Variants in RSPH1 observed in about 807,000 individuals in gnomAD.
RSPH1 encodes radial spoke head 1 homolog.
Under a neutral mutation model 44.2 loss-of-function variants are expected in RSPH1, and 32 were observed. That is an observed-to-expected ratio of 0.72 (90% CI 0.55 to 0.97). The LOEUF is 0.97. Among genes scored for constraint, RSPH1 ranks in the 50% least tolerant of loss-of-function variants. The probability of loss-of-function intolerance (pLI) is 0.00; values close to 1 mark genes in which losing one functional copy is unlikely to be tolerated. For synonymous variants in RSPH1, 134 were observed against 147.3 expected (o/e 0.91, Z 0.65); for missense variants, 391 against 398.7 (o/e 0.98, Z 0.16).
chr21:42,477,432 C>T lies in RSPH1; in HGVS notation c.586G>A (p.Glu196Lys). The change falls in exon 7 of 9, where the codon GAG (glutamate) becomes AAG (lysine). Residue 196 changes from glutamate to lysine, a missense_variant. Coordinates refer to ENST00000291536, the MANE Select transcript of RSPH1 (RefSeq NM_080860.4). ...GTTACTAATTCTTCCTCCTCTTCCT[C>T]TTCTCCTCTTTCCTATTTTAAGTGC... The part of the protein sequence containing the change: ...YRLTDMERGE[E>K]EEEEELVTVV... 2 of 1,614,022 alleles carry T rather than the reference C, an allele frequency of 1.2e-6. No homozygotes were observed. The highest frequency in any genetic ancestry group is 1.7e-6 in the Non-Finnish European group (2 of 1,179,870).
intron 3 of RSPH1, among the ~76,000 whole-genome samples, chr21:42,491,786 C>T (rs900397516): frequency 2.6e-5 from 4 of 152,144 alleles, no homozygotes; most frequent in African/African-American, 4.8e-5. Context: ...AACTATAGCT[C>T]GCACTTTGTA....
intron 6 of RSPH1, among the ~76,000 whole-genome samples, chr21:42,481,052 C>T (rs1465868146): frequency 2.0e-5 from 3 of 152,060 alleles, no homozygotes; most frequent in Non-Finnish European, 4.4e-5. Context: ...CTTCAAATCG[C>T]ATGTTGAAAT....
At position 42,482,621 on chromosome 21, in the gene RSPH1, A is replaced by G. The variant is rs761946448; in HGVS notation, c.573+16T>C. ...CCCTGTTAATGTAACAAAACCCTAC[A>G]TGCTCCGCAACTTACCATATCTGTT... On this transcript the variant is annotated intron_variant, in intron 6 of 8. Coordinates refer to ENST00000291536, the MANE Select transcript of RSPH1 (RefSeq NM_080860.4). 10 of 1,591,786 alleles carry G rather than the reference A, an allele frequency of 6.3e-6. No individual in the cohort carries two copies. In the South Asian group the frequency reaches 1.1e-4, roughly 18 times the overall value.
In RSPH1 at chr21:42,475,522, C is replaced by T. The variant is rs1289923107; in HGVS notation, c.877+376G>A. 6.1e-5 allele frequency among the ~76,000 whole-genome samples: 9 copies of T among 148,638 alleles called. No homozygotes were observed. In the Admixed American group the frequency reaches 6.1e-4, roughly 10 times the overall value. On this transcript the variant is annotated intron_variant, in intron 8 of 8. Coordinates refer to ENST00000291536, the MANE Select transcript of RSPH1 (RefSeq NM_080860.4). Reference sequence around the variant, plus strand: ...GGTGGAGGTTGCAGTGAGCCAAGATCGCACCACTGTACTCCAGCCTGGGTG... The same window carrying T: ...GGTGGAGGTTGCAGTGAGCCAAGATTGCACCACTGTACTCCAGCCTGGGTG...
At chr21:42,493,179 T>C (rs1236522023) in intron 1 of RSPH1, 100 bp from the exon 2 acceptor site, 2 of 962,162 alleles carry the variant, frequency 2.1e-6, no homozygotes, top group Non-Finnish European at 1.6e-6. Flanking sequence ...CATCCCACTA[T>C]GCTAAACCCC....
chr21:42,473,765 G>A lies in RSPH1; in HGVS notation c.878-895C>T, dbSNP rs188041583. 4.6e-5 allele frequency among the ~76,000 whole-genome samples: 7 copies of A among 152,232 alleles called. No homozygotes were observed. In the East Asian group the frequency reaches 1.4e-3, roughly 29 times the overall value. Reference sequence around the variant, plus strand: ...CACTTAGGGCCCTCCTGACACTGTGGCCTGGGTGACCCTTTGCTGGGGGCT... The same window carrying A: ...CACTTAGGGCCCTCCTGACACTGTGACCTGGGTGACCCTTTGCTGGGGGCT... On this transcript the variant is annotated intron_variant, in intron 8 of 8. Coordinates refer to ENST00000291536, the MANE Select transcript of RSPH1 (RefSeq NM_080860.4).
chr21:42,494,525 G>A (rs937761771), intron 1 of RSPH1, among the ~76,000 whole-genome samples: 2 of 152,090 alleles, frequency 1.3e-5, no homozygotes, highest in East Asian at 1.9e-4. Context: ...ACACTGAGCC[G>A]CTGGGGTGGC....
rs750896205 is a variant in RSPH1 at position 42,493,082 on chromosome 21, G to C, written c.55-3C>G. ...TCATTCCGACCCCCCTCATATTCCT[G>C]GGTAATGAAAATTGACACAATTACA... On this transcript the variant is annotated splice_region_variant and splice_polypyrimidine_tract_variant and intron_variant, in intron 1 of 8. Transcript: ENST00000291536. 6.2e-7 allele frequency: 1 copy of C among 1,611,908 alleles called. No homozygotes were observed. Among genetic ancestry groups the C allele is most frequent in the East Asian group, 2.2e-5 (1 of 44,876 alleles).
Position 42,477,326 on chromosome 21 carries a change from G to A in RSPH1, c.692C>T (p.Thr231Met), listed in dbSNP as rs778123315. ...TGGAGCGTCTTGGCCAGGTCCATCC[G>A]TAGAGGTCGGCTTTTTGGGGAGAGT... The part of the protein sequence containing the change: ...TPTLPKKPTS[T>M]DGPGQDAPGA... Residue 231 changes from threonine to methionine, a missense_variant, in exon 7 of 9, where the codon ACG (threonine) becomes ATG (methionine). Transcript: ENST00000291536. 6.8e-5 allele frequency: 109 copies of A among 1,601,702 alleles called. No homozygotes were observed. Among genetic ancestry groups the A allele is most frequent in the South Asian group, 5.3e-4 (48 of 90,832 alleles).
In RSPH1 at chr21:42,492,970, C is replaced by T; in HGVS notation, c.164G>A (p.Gly55Asp). The T allele has an allele frequency of 1.9e-6, 3 of 1,613,842 alleles. No individual in the cohort carries two copies. The highest frequency in any genetic ancestry group is 4.5e-5 in the East Asian group (2 of 44,886). ...AGTCAAGTCAACGGTTCTGACCTGG[C>T]CATGTCTTTTACCGAATTCGTAGCT... is the stretch of plus-strand genomic sequence containing the variant. ...EGSYEFGKRH[G>D]QGIYKFKNGA... is the part of the protein sequence containing the mutation. The change falls in exon 2 of 9, where the codon GGC becomes GAC. Residue 55 changes from glycine (G) to aspartate (D), a missense_variant. Gly to Asp is a moderately conservative substitution (Grantham distance 94, BLOSUM62 -1). Transcript: ENST00000291536.
chr21:42,482,595 T>C (rs1482011692), intron 6 of RSPH1, 42 bp downstream of exon 6: 1 of 1,434,274 alleles, frequency 7.0e-7, no homozygotes, highest in Non-Finnish European at 9.8e-7. Flanking sequence ...AGCAGCTACT[T>C]CCCTGTTAAT....
intron 6 of RSPH1, 133 bp from the exon 7 acceptor site, chr21:42,477,577 T>C: frequency 2.4e-6 from 2 of 833,198 alleles, no homozygotes; most frequent in Non-Finnish European, 3.8e-6. Context: ...AGGACGTCAC[T>C]CAGGAATCAG....
chr21:42,483,269 G>A (rs1469443619), intron 5 of RSPH1, among the ~76,000 whole-genome samples: 1 of 150,060 alleles, frequency 6.7e-6, no homozygotes, highest in Admixed American at 6.6e-5. Flanking sequence ...GAACGCTCCA[G>A]CAAACGTACT....
intron 6 of RSPH1, among the ~76,000 whole-genome samples, chr21:42,481,973 A>G (rs2054132380): frequency 6.6e-6 from 1 of 152,242 alleles, no homozygotes; most frequent in African/African-American, 2.4e-5. Context: ...GGACAAGCTA[A>G]CAGTCACTGG....
chr21:42,483,129 G>A (rs527947364), intron 5 of RSPH1, among the ~76,000 whole-genome samples: 120 of 151,998 alleles, frequency 7.9e-4, no homozygotes, highest in African/African-American at 2.7e-3. Context: ...ACTACTTCCC[G>A]TATTTACAAA....
At chr21:42,479,337 T>G (rs1415451438) in intron 6 of RSPH1, among the ~76,000 whole-genome samples, 1 of 152,000 alleles carries the variant, frequency 6.6e-6, no homozygotes, top group African/African-American at 2.4e-5. Context: ...TCATGGGTGG[T>G]TTTTCCTAAA....
At chr21:42,485,994 A>G in intron 4 of RSPH1, 190 bp from the exon 5 acceptor site, 1 of 694,512 alleles carries the variant, frequency 1.4e-6, no homozygotes, top group South Asian at 1.9e-5. Flanking sequence ...ACATTGCCAG[A>G]GGCACAGAGG....
chr21:42,477,538 C>T, intron 6 of RSPH1, 94 bp from the exon 7 acceptor site: 1 of 1,365,110 alleles, frequency 7.3e-7, no homozygotes, highest in South Asian at 1.3e-5. Flanking sequence ...TTTTGAAAGA[C>T]AGGTTTTGGC....
chr21:42,487,940 A>T (rs1032352057), intron 3 of RSPH1, among the ~76,000 whole-genome samples: 4 of 152,248 alleles, frequency 2.6e-5, no homozygotes, highest in Non-Finnish European at 5.9e-5. Flanking sequence ...AGGACAGTGC[A>T]TGTCCCCAGG....
Sources: allele counts gnomAD v4.1 joint callset (sites outside exome capture counted in the v4.1 genomes callset), GRCh38; gene constraint gnomAD v4.1.1; transcripts MANE v1.5; gene names NCBI Gene and HGNC (gene_info 2026-07-23, HGNC 2026-07-21).